CHCHD6: variants seen among roughly 807,000 people sequenced by gnomAD.
The protein encoded by CHCHD6 is MICOS complex subunit MIC25.
Under a neutral mutation model 32.3 loss-of-function variants are expected in CHCHD6, and 28 were observed. The ratio of observed to expected loss-of-function variants is 0.87; its 90% CI spans 0.64 to 1.19. CHCHD6 has a LOEUF of 1.19. CHCHD6 is among the 50% of genes most tolerant of loss of function. The pLI is 0.00. For synonymous variants in CHCHD6, 122 were observed against 117.5 expected, an observed-to-expected ratio of 1.04 and a Z score of -0.25; for missense variants, 333 against 307.0, an observed-to-expected ratio of 1.08 and a Z score of -0.63.
chr3:126,727,716 C>A (rs1935600724), intron 2 of CHCHD6, among the ~76,000 whole-genome samples: 1 of 152,140 alleles, frequency 6.6e-6, no homozygotes, highest in Non-Finnish European at 1.5e-5. Flanking sequence ...TCTTCCTGGC[C>A]CACTGTGAAG....
chr3:126,915,090 C>G (rs1325191100), intron 6 of CHCHD6, among the ~76,000 whole-genome samples: 1 of 152,238 alleles, frequency 6.6e-6, no homozygotes, highest in Non-Finnish European at 1.5e-5. Context: ...GGAGTTGAGG[C>G]AGGGGTTCTG....
intron 4 of CHCHD6, among the ~76,000 whole-genome samples, chr3:126,737,390 G>GTGTATATATATATA (rs755051777): frequency 9.6e-4 from 127 of 132,622 alleles, no homozygotes; most frequent in African/African-American, 3.0e-3. Context: ...TGATGTGTGA[G>GTGTATATATATATA]TATATATATA....
At chr3:126,939,800 T>G (rs1288926218) in intron 6 of CHCHD6, among the ~76,000 whole-genome samples, 2 of 152,228 alleles carry the variant, frequency 1.3e-5, no homozygotes, top group Non-Finnish European at 2.9e-5. Context: ...AGGGCATCAT[T>G]TATTCTCCCC....
intron 4 of CHCHD6, among the ~76,000 whole-genome samples, chr3:126,851,431 C>T (rs913885917): frequency 3.9e-5 from 6 of 152,226 alleles, no homozygotes; most frequent in South Asian, 2.1e-4. Context: ...CACAGTCTAC[C>T]GCTGGCTAGC....
At chr3:126,847,119 G>A (rs1433231376) in intron 4 of CHCHD6, among the ~76,000 whole-genome samples, 2 of 152,182 alleles carry the variant, frequency 1.3e-5, no homozygotes, top group Non-Finnish European at 2.9e-5. Context: ...ACAAAATGTA[G>A]TGACTTAAAC....
intron 5 of CHCHD6, among the ~76,000 whole-genome samples, chr3:126,914,465 G>A (rs984883545): frequency 6.6e-6 from 1 of 152,208 alleles, no homozygotes; most frequent in African/African-American, 2.4e-5. Flanking sequence ...TGAGCTAGAG[G>A]ATCTCATAAC....
intron 4 of CHCHD6, chr3:126,766,581 A>T (rs939918638): frequency 4.7e-5 from 55 of 1,175,902 alleles, no homozygotes; most frequent in Admixed American, 1.2e-4. Flanking sequence ...CCTGGGCTGC[A>T]GTGGAAGACT....
At chr3:126,739,158 T>C (rs1266808482) in intron 4 of CHCHD6, among the ~76,000 whole-genome samples, 1 of 152,180 alleles carries the variant, frequency 6.6e-6, no homozygotes, top group Admixed American at 6.5e-5. Context: ...AAGGCATAAA[T>C]GGGAGAAAAA....
At chr3:126,866,892 G>C (rs769937472) in intron 5 of CHCHD6, among the ~76,000 whole-genome samples, 1 of 152,152 alleles carries the variant, frequency 6.6e-6, no homozygotes, top group Non-Finnish European at 1.5e-5. Context: ...TCTTGCCTCA[G>C]AGAATTGACA....
chr3:126,730,468 C>A, intron 2 of CHCHD6, 93 bp from the exon 3 acceptor site: 1 of 1,012,718 alleles, frequency 9.9e-7, no homozygotes, highest in Non-Finnish European at 1.5e-6. Context: ...GGGGCACATT[C>A]ATTCATGGGG....
chr3:126,950,957 T>A (rs926822195), intron 6 of CHCHD6, among the ~76,000 whole-genome samples: 9 of 152,180 alleles, frequency 5.9e-5, no homozygotes, highest in African/African-American at 1.9e-4. Context: ...AGGTTGCATA[T>A]GTCATAGATG....
At chr3:126,709,029 A>G (rs1397713232) in intron 1 of CHCHD6, among the ~76,000 whole-genome samples, 4 of 152,224 alleles carry the variant, frequency 2.6e-5, no homozygotes, top group Non-Finnish European at 4.4e-5. Flanking sequence ...TACTACACAT[A>G]TTCTCCTGTA....
chr3:126,757,818 G>T (rs1410561550), intron 4 of CHCHD6, among the ~76,000 whole-genome samples: 2 of 151,980 alleles, frequency 1.3e-5, no homozygotes, highest in East Asian at 3.9e-4. Context: ...TGCCGACAGG[G>T]GTATCTTTGT....
intron 4 of CHCHD6, among the ~76,000 whole-genome samples, chr3:126,775,893 G>A (rs189263337): frequency 6.6e-6 from 1 of 152,356 alleles, no homozygotes; most frequent in African/African-American, 2.4e-5. Context: ...AGCACACTGG[G>A]TGCAGGTGCG....
intron 6 of CHCHD6, among the ~76,000 whole-genome samples, chr3:126,946,798 G>A (rs1344847263): frequency 2.6e-5 from 4 of 152,148 alleles, no homozygotes; most frequent in Admixed American, 6.5e-5. Flanking sequence ...TAATTCACTC[G>A]GAATCTCCTT....
At chr3:126,914,546 GTGGAT>G in intron 5 of CHCHD6, 129 bp from the exon 6 acceptor site, 2 of 669,376 alleles carry the variant, frequency 3.0e-6, no homozygotes, top group Non-Finnish European at 5.5e-6. Flanking sequence ...AACCCAAGGT[GTGGAT>G]TAATTACCAG....
intron 6 of CHCHD6, among the ~76,000 whole-genome samples, chr3:126,926,027 G>A (rs903908691): frequency 3.3e-5 from 5 of 152,178 alleles, no homozygotes; most frequent in Non-Finnish European, 5.9e-5. Context: ...GAGCACAGAC[G>A]CACTCCCAGC....
chr3:126,770,140 G>A (rs1937518141), intron 4 of CHCHD6, among the ~76,000 whole-genome samples: 1 of 152,040 alleles, frequency 6.6e-6, no homozygotes, highest in African/African-American at 2.4e-5. Context: ...TTTGGCTCTT[G>A]GCTTGGATGT....
chr3:126,860,196 C>G (rs903374007), intron 5 of CHCHD6, among the ~76,000 whole-genome samples: 2 of 152,058 alleles, frequency 1.3e-5, no homozygotes, highest in African/African-American at 4.8e-5. Context: ...CCTGGGGATT[C>G]AGAGGGAACT....
Sources: gnomAD v4.1 joint callset for allele counts (sites outside exome capture counted in the v4.1 genomes callset) on GRCh38, gnomAD v4.1.1 for gene constraint, MANE v1.5 for transcripts, NCBI Gene and HGNC (gene_info 2026-07-23, HGNC 2026-07-21) for gene names.